FREM2: variants seen among roughly 807,000 people sequenced by gnomAD.
FREM2 encodes the protein FRAS1-related extracellular matrix protein 2.
In FREM2, 119 loss-of-function variants were observed where a neutral mutation model predicts 219.9. The ratio of observed to expected loss-of-function variants is 0.54; its 90% confidence interval spans 0.47 to 0.63. The LOEUF (loss-of-function observed/expected upper bound fraction) is 0.63, where lower values mean the gene tolerates loss of function less well. Among genes scored for constraint, FREM2 ranks in the 30% least tolerant of loss-of-function variants. FREM2 has a pLI of 0.00. For missense variants in FREM2, 4,030 were observed against 3,993.6 expected (o/e 1.01, Z -0.25); for synonymous variants, 1,562 against 1,522.8 (o/e 1.03, Z -0.60).
At chr13:38,738,207 T>A (rs1356506588) in intron 2 of FREM2, among the ~76,000 whole-genome samples, 1 of 151,900 alleles carries the variant, frequency 6.6e-6, no homozygotes, top group Non-Finnish European at 1.5e-5. Flanking sequence ...AATGAGGAGA[T>A]CAGCTTTGGA....
intron 6 of FREM2, among the ~76,000 whole-genome samples, chr13:38,814,189 C>T (rs537600866): frequency 6.6e-6 from 1 of 152,216 alleles, no homozygotes; most frequent in South Asian, 2.1e-4. Context: ...CAGGATTGGT[C>T]CCTGGTGCTT....
intron 2 of FREM2, among the ~76,000 whole-genome samples, chr13:38,731,244 T>G (rs1871756390): frequency 1.3e-5 from 2 of 152,168 alleles, no homozygotes; most frequent in South Asian, 4.1e-4. Flanking sequence ...TTTATTTTAT[T>G]TAGAAACTAC....
Position 38,691,713 on chromosome 13 carries a change from G to C in FREM2, c.4369G>C (p.Val1457Leu). Residue 1457 changes from valine (V) to leucine (L), a missense_variant, in exon 1 of 24, where the codon GTT becomes CTT. Val to Leu is a conservative substitution (Grantham distance 32). Transcript: ENST00000280481. ...SDLNSPDENL[V>L]FTITRAPMRG... Reference sequence around the variant, plus strand: ...CTTGAACAGTCCTGATGAAAACTTGGTTTTTACCATCACCAGGGCTCCCAT... The same window carrying C: ...CTTGAACAGTCCTGATGAAAACTTGCTTTTTACCATCACCAGGGCTCCCAT... 1 of 1,613,606 alleles carries C rather than the reference G, an allele frequency of 6.2e-7. No individual in the cohort carries two copies. The highest frequency in any genetic ancestry group is 8.5e-7 in the Non-Finnish European group (1 of 1,179,568).
At position 38,785,945 on chromosome 13, in the gene FREM2, T is replaced by C. The variant is rs1874309917; in HGVS notation, c.6019+1137T>C. On this transcript the variant is annotated intron_variant, in intron 6 of 23. Coordinates refer to ENST00000280481, the MANE Select transcript of FREM2 (RefSeq NM_207361.6). Reference sequence around the variant, plus strand: ...TTATTTTGTTTTTCAAATTGACAAATAATTATGCATATTCATAGGGTACAT... The same window carrying C: ...TTATTTTGTTTTTCAAATTGACAAACAATTATGCATATTCATAGGGTACAT... Among the ~76,000 whole-genome samples the C allele has an allele frequency of 2.0e-5, 3 of 152,344 alleles. No homozygotes were observed. In the East Asian group the frequency reaches 5.8e-4, roughly 29 times the overall value.
chr13:38,846,468 A>G, intron 6 of FREM2, 105 bp from the exon 7 acceptor site: 1 of 1,149,174 alleles, frequency 8.7e-7, no homozygotes, highest in South Asian at 1.3e-5. Context: ...TGATGATATA[A>G]GGAAGTCCCT....
At chr13:38,846,237 C>A (rs1409934197) in intron 6 of FREM2, among the ~76,000 whole-genome samples, 1 of 150,966 alleles carries the variant, frequency 6.6e-6, no homozygotes, top group African/African-American at 2.4e-5. Context: ...AAAAAAGATA[C>A]GTGTTTTGCT....
intron 2 of FREM2, among the ~76,000 whole-genome samples, chr13:38,705,245 A>C (rs912924440): frequency 2.0e-5 from 3 of 152,170 alleles, no homozygotes; most frequent in African/African-American, 7.2e-5. Context: ...CAAATCTGTA[A>C]GACTTATTGA....
intron 2 of FREM2, among the ~76,000 whole-genome samples, chr13:38,700,754 C>A (rs999618168): frequency 1.3e-5 from 2 of 152,042 alleles, no homozygotes; most frequent in Non-Finnish European, 2.9e-5. Context: ...GCGATAACTT[C>A]CACACTTATT....
intron 6 of FREM2, among the ~76,000 whole-genome samples, chr13:38,794,610 T>C (rs1874695146): frequency 6.6e-6 from 1 of 152,192 alleles, no homozygotes; most frequent in Admixed American, 6.6e-5. Context: ...AGCTTCAGTT[T>C]CCATGGGTTT....
intron 6 of FREM2, among the ~76,000 whole-genome samples, chr13:38,819,921 C>T (rs1425394743): frequency 1.3e-5 from 2 of 152,062 alleles, no homozygotes; most frequent in African/African-American, 2.4e-5. Flanking sequence ...ACACAATGAC[C>T]TTCTGATTCT....
chr13:38,859,502 G>A lies in FREM2; in HGVS notation c.7431G>A (p.Arg2477=). Residue 2477 remains arginine (R), a synonymous_variant, in exon 14 of 24, where the codon CGG becomes CGA. Transcript: ENST00000280481. ...LDSIYFQPGS[R]VQCAARAVNT... ...CCATATACTTTCAGCCTGGCTCCCGGGTACAGTGCGCAGCTCGTGCTGTGA... is the reference window on the plus strand; with the variant it reads ...CCATATACTTTCAGCCTGGCTCCCGAGTACAGTGCGCAGCTCGTGCTGTGA... The A allele has an allele frequency of 6.2e-7, 1 of 1,614,052 alleles. No homozygotes were observed. Among genetic ancestry groups the A allele is most frequent in the African/African-American group, 1.3e-5 (1 of 74,988 alleles).
intron 2 of FREM2, among the ~76,000 whole-genome samples, chr13:38,751,676 C>T (rs576902042): frequency 6.6e-6 from 1 of 152,292 alleles, no homozygotes; most frequent in South Asian, 2.1e-4. Flanking sequence ...GGTTTACCCT[C>T]CTTACTAGAG....
intron 2 of FREM2, among the ~76,000 whole-genome samples, chr13:38,714,686 G>A (rs988512372): frequency 6.6e-6 from 1 of 151,922 alleles, no homozygotes; most frequent in Non-Finnish European, 1.5e-5. Flanking sequence ...ATACTTCAAC[G>A]TATACACATT....
rs570476408 is a variant in FREM2 at position 38,690,377 on chromosome 13, G to GGGCTCT, written c.3035_3040dup (p.Gly1012_Ser1013dup). Reference sequence around the variant, plus strand: ...AGTTTACTCAAAGGGACATCTTGGAGGGCTCTGTTGTATATACCCACACCA... The same window carrying GGGCTCT: ...AGTTTACTCAAAGGGACATCTTGGAGGGCTCTGGCTCTGTTGTATATACCCACACCA... On this transcript the variant is annotated inframe_insertion, in exon 1 of 24. Coordinates refer to ENST00000280481, the MANE Select transcript of FREM2 (RefSeq NM_207361.6). 3.7e-4 allele frequency: 598 copies of GGGCTCT among 1,614,204 alleles called. 3 individuals carry two copies. The African/African-American group carries it at 7.5e-3, about 20-fold the overall frequency.
intron 12 of FREM2, 91 bp from the exon 13 acceptor site, chr13:38,857,784 G>A: frequency 8.9e-7 from 1 of 1,120,480 alleles, no homozygotes; most frequent in Non-Finnish European, 1.4e-6. Flanking sequence ...AGGCCATGGG[G>A]TTGCCAGGGA....
intron 20 of FREM2, 144 bp from the exon 21 acceptor site, chr13:38,876,973 C>A: frequency 2.0e-6 from 2 of 994,616 alleles, no homozygotes; most frequent in Non-Finnish European, 1.6e-6. Flanking sequence ...TTACAACTCT[C>A]TGAGTTAGCT....
chr13:38,797,271 T>A (rs1369182942), intron 6 of FREM2, among the ~76,000 whole-genome samples: 1 of 152,132 alleles, frequency 6.6e-6, no homozygotes, highest in Non-Finnish European at 1.5e-5. Flanking sequence ...CTTCTGTTAT[T>A]TTTTGTCTTT....
intron 6 of FREM2, among the ~76,000 whole-genome samples, chr13:38,789,031 C>T (rs774538430): frequency 7.2e-5 from 11 of 151,914 alleles, no homozygotes; most frequent in South Asian, 2.1e-4. Context: ...TTATAAATTG[C>T]TGGATTAAAT....
chr13:38,850,940 C>G lies in FREM2; in HGVS notation c.6578-4C>G. On this transcript the variant is annotated splice_region_variant and splice_polypyrimidine_tract_variant and intron_variant, in intron 9 of 23. Coordinates refer to ENST00000280481, the MANE Select transcript of FREM2 (RefSeq NM_207361.6). The stretch of plus-strand genomic sequence containing the variant: ...TGATTGACCTGCTGACATTATTGTT[C>G]CAGGTGAGACAGAAAAGCCCTGCAT... 2 of 1,610,940 alleles carry G rather than the reference C, an allele frequency of 1.2e-6. No individual in the cohort carries two copies. Among genetic ancestry groups the G allele is most frequent in the Non-Finnish European group, 1.7e-6 (2 of 1,179,788 alleles).
Sources: gnomAD v4.1 joint callset for allele counts (sites outside exome capture counted in the v4.1 genomes callset) on GRCh38, gnomAD v4.1.1 for gene constraint, MANE v1.5 for transcripts, NCBI Gene and HGNC (gene_info 2026-07-23, HGNC 2026-07-21) for gene names.